Variants in TMEM117 observed in about 807,000 individuals in gnomAD.
TMEM117 encodes transmembrane protein 117.
A neutral mutation model predicts 52.4 loss-of-function variants in TMEM117; 27 were observed. The observed-to-expected ratio is 0.51, with a 90% CI of 0.38 to 0.71. The LOEUF (loss-of-function observed/expected upper bound fraction) is 0.71, where lower values mean the gene tolerates loss of function less well. Among genes scored for constraint, TMEM117 ranks in the 30% least tolerant of loss-of-function variants. The pLI is 0.00. For missense variants in TMEM117, 556 were observed against 630.5 expected, an observed-to-expected ratio of 0.88 and a Z score of 1.26; for synonymous variants, 215 against 206.3, an observed-to-expected ratio of 1.04 and a Z score of -0.36.
At chr12:44,344,922 G>A (rs1951464982) in intron 6 of TMEM117, among the ~76,000 whole-genome samples, 1 of 151,994 alleles carries the variant, frequency 6.6e-6, no homozygotes, top group Non-Finnish European at 1.5e-5. Context: ...CTGATTGTTT[G>A]CATTGCTTCT....
At chr12:44,206,547 G>A (rs1224201316) in intron 4 of TMEM117, among the ~76,000 whole-genome samples, 4 of 152,170 alleles carry the variant, frequency 2.6e-5, no homozygotes, top group Non-Finnish European at 5.9e-5. Context: ...ACAATAGCAA[G>A]ATGTGGAATC....
chr12:44,233,779 C>A (rs1338579730), intron 5 of TMEM117, among the ~76,000 whole-genome samples: 1 of 151,128 alleles, frequency 6.6e-6, no homozygotes, highest in African/African-American at 2.4e-5. Context: ...GTCTATAATT[C>A]ATTGATTTTG....
In TMEM117 at chr12:44,386,181, C is replaced by T. The variant is rs761997571; in HGVS notation, c.899-1845C>T. Among the ~76,000 whole-genome samples, 3 of 152,084 alleles carry T rather than the reference C, an allele frequency of 2.0e-5. No individual in the cohort carries two copies. The East Asian group carries it at 5.8e-4, about 29-fold the overall frequency. ...TCACTATTTATCTGTTGATCTCTGTCCTGTTCCCCTAACAAGATGATGAAA... is the reference window on the plus strand; with the variant it reads ...TCACTATTTATCTGTTGATCTCTGTTCTGTTCCCCTAACAAGATGATGAAA... On this transcript the variant is annotated intron_variant, in intron 7 of 7. Transcript: ENST00000266534.
chr12:44,092,351 G>A (rs912842066), intron 3 of TMEM117, among the ~76,000 whole-genome samples: 5 of 152,156 alleles, frequency 3.3e-5, no homozygotes, highest in African/African-American at 9.7e-5. Flanking sequence ...AAAAAGCAAA[G>A]CAGTGTTTGG....
intron 2 of TMEM117, among the ~76,000 whole-genome samples, chr12:43,939,949 A>G (rs1945016886): frequency 6.6e-6 from 1 of 152,178 alleles, no homozygotes; most frequent in South Asian, 2.1e-4. Context: ...AGGAACTCCC[A>G]TTAATAAAAC....
intron 6 of TMEM117, among the ~76,000 whole-genome samples, chr12:44,345,075 A>G (rs1951467140): frequency 6.6e-6 from 1 of 151,928 alleles, no homozygotes; most frequent in Non-Finnish European, 1.5e-5. Context: ...TTTCCAAGCT[A>G]CAGGCTGGGT....
At chr12:44,014,616 T>C (rs1946345761) in intron 3 of TMEM117, among the ~76,000 whole-genome samples, 2 of 152,194 alleles carry the variant, frequency 1.3e-5, no homozygotes, top group African/African-American at 2.4e-5. Context: ...AATCAAAAGA[T>C]ACGTTACACT....
rs141898122 is a variant in TMEM117 at position 44,143,323 on chromosome 12, C to A, written c.411-202C>A. 9.1e-4 allele frequency among the ~76,000 whole-genome samples: 138 copies of A among 152,356 alleles called. 1 individual carries two copies. The highest frequency in any genetic ancestry group is 3.2e-3 in the African/African-American group (132 of 41,586). On this transcript the variant is annotated intron_variant, in intron 3 of 7. Transcript: ENST00000266534. ...ACATGGTAATTGGTGGAGCCACATT[C>A]AGTCTTCAAGTATAATTGAAAATGA... is the stretch of plus-strand genomic sequence containing the variant.
chr12:44,254,011 CAA>C (rs199912435), intron 5 of TMEM117, among the ~76,000 whole-genome samples: 11 of 90,062 alleles, frequency 1.2e-4, no homozygotes, highest in South Asian at 3.8e-4. Context: ...CTCATTTGAC[CAA>C]AAAAAAAAAA....
chr12:44,121,949 C>A (rs901061082), intron 3 of TMEM117, among the ~76,000 whole-genome samples: 2 of 152,024 alleles, frequency 1.3e-5, no homozygotes, highest in Admixed American at 6.6e-5. Context: ...TGAGAGCATT[C>A]AGTATTTGGT....
At chr12:44,136,053 A>G (rs1948485881) in intron 3 of TMEM117, among the ~76,000 whole-genome samples, 1 of 152,244 alleles carries the variant, frequency 6.6e-6, no homozygotes, top group Non-Finnish European at 1.5e-5. Flanking sequence ...TTACAATAAT[A>G]AAAACTTATG....
At chr12:44,131,355 A>T (rs1407026015) in intron 3 of TMEM117, among the ~76,000 whole-genome samples, 2 of 152,074 alleles carry the variant, frequency 1.3e-5, no homozygotes, top group Non-Finnish European at 2.9e-5. Flanking sequence ...AGAATATCCT[A>T]TGTATAATTT....
intron 4 of TMEM117, among the ~76,000 whole-genome samples, chr12:44,173,402 T>C (rs991666936): frequency 1.3e-5 from 2 of 152,164 alleles, no homozygotes; most frequent in Middle Eastern, 3.2e-3. Flanking sequence ...ATTAATTTAA[T>C]AACTTTCTTC....
chr12:44,348,580 T>G (rs1427857399), intron 6 of TMEM117, among the ~76,000 whole-genome samples: 2 of 152,036 alleles, frequency 1.3e-5, no homozygotes, highest in East Asian at 1.9e-4. Context: ...TTTAACAATT[T>G]TTAAAACATT....
intron 5 of TMEM117, among the ~76,000 whole-genome samples, chr12:44,214,138 A>ACT (rs1410724769): frequency 3.0e-5 from 3 of 99,284 alleles, no homozygotes; most frequent in Admixed American, 1.4e-4. Flanking sequence ...TTTTTTTTTA[A>ACT]TTTTTTTTTT....
At position 44,013,650 on chromosome 12, in the gene TMEM117, G is replaced by A. The variant is rs191659074; in HGVS notation, c.410+69308G>A. Among the ~76,000 whole-genome samples the A allele has an allele frequency of 3.9e-5, 6 of 152,240 alleles. 1 individual carries two copies. Among genetic ancestry groups the A allele is most frequent in the Non-Finnish European group, 2.9e-5 (2 of 68,012 alleles). ...ACTCACAGAAGGGTGAGGGTCCTCC[G>A]TGGCTGGGTTCCCTGGAGGTTTTAG... On this transcript the variant is annotated intron_variant, in intron 3 of 7. Transcript: ENST00000266534.
At chr12:44,012,915 G>A (rs1352767170) in intron 3 of TMEM117, among the ~76,000 whole-genome samples, 1 of 152,076 alleles carries the variant, frequency 6.6e-6, no homozygotes, top group Non-Finnish European at 1.5e-5. Context: ...GTAGAAAGAA[G>A]TGCACTAAAT....
At chr12:44,271,197 T>A (rs796593139) in intron 5 of TMEM117, among the ~76,000 whole-genome samples, 7 of 152,090 alleles carry the variant, frequency 4.6e-5, no homozygotes, top group African/African-American at 1.7e-4. Context: ...TGATAGTATT[T>A]ACCTCATAGG....
At chr12:44,144,885 C>T (rs144444079) in intron 4 of TMEM117, among the ~76,000 whole-genome samples, 109 of 152,272 alleles carry the variant, frequency 7.2e-4, no homozygotes, top group African/African-American at 2.2e-3. Flanking sequence ...GGGCCGGGCG[C>T]GGTGGCTCAC....
Sources: allele counts gnomAD v4.1 joint callset (sites outside exome capture counted in the v4.1 genomes callset), GRCh38; gene constraint gnomAD v4.1.1; transcripts MANE v1.5; gene names NCBI Gene and HGNC (gene_info 2026-07-23, HGNC 2026-07-21).